The following ZEB1 variants were observed in gnomAD, a reference collection of about 807,000 sequenced individuals.
ZEB1 encodes zinc finger E-box binding homeobox 1.
A neutral mutation model predicts 84.9 loss-of-function variants in ZEB1; 21 were observed. The ratio of observed to expected loss-of-function variants is 0.25; its 90% CI spans 0.18 to 0.36. The LOEUF (loss-of-function observed/expected upper bound fraction) is 0.36. Among genes scored for constraint, ZEB1 ranks in the 10% least tolerant of loss-of-function variants. ZEB1 has a pLI of 1.00. For synonymous variants in ZEB1, 420 were observed against 471.1 expected (o/e 0.89, Z 1.41); for missense variants, 1,104 against 1,330.2 (o/e 0.83, Z 2.65).
At chr10:31,368,793 G>T (rs948312698) in intron 1 of ZEB1, among the ~76,000 whole-genome samples, 6 of 152,208 alleles carry the variant, frequency 3.9e-5, no homozygotes, top group Non-Finnish European at 7.3e-5. Flanking sequence ...GTGGAGTAGG[G>T]AGTGAAAGTG....
Position 31,520,689 on chromosome 10 carries a change from G to C in ZEB1, c.1357G>C (p.Gly453Arg). The C allele has an allele frequency of 6.2e-7, 1 of 1,614,016 alleles. No homozygotes were observed. Among genetic ancestry groups the C allele is most frequent in the Non-Finnish European group, 8.5e-7 (1 of 1,179,998 alleles). ...AATCAATGCTTCACCCATACAACAA[G>C]GTGGCCATTCTGTTATTTCAGCCAT... is the stretch of plus-strand genomic sequence containing the variant. ...ETINASPIQQGGHSVISAISL... is the reference protein window; with the variant it reads ...ETINASPIQQRGHSVISAISL... The change falls in exon 7 of 9, where the codon GGT (glycine) becomes CGT (arginine). Residue 453 changes from glycine (G) to arginine (R), a missense_variant. This residue lies in a region of ZEB1 where 531 missense variants were observed against 575.2 expected (regional missense o/e 0.92). Coordinates refer to ENST00000424869, the MANE Select transcript of ZEB1 (RefSeq NM_001174096.2). The surrounding 1 kb of genome is among the most constrained non-coding windows in gnomAD (Gnocchi z 5.1).
chr10:31,381,371 G>T (rs1173315059), intron 1 of ZEB1, among the ~76,000 whole-genome samples: 1 of 152,052 alleles, frequency 6.6e-6, no homozygotes, highest in Non-Finnish European at 1.5e-5. Context: ...TGCAACAAAC[G>T]ATGTAATATC....
Position 31,529,524 on chromosome 10 carries a change from A to C in ZEB1, c.*2260A>C. On this transcript the variant is annotated 3_prime_UTR_variant, in exon 9 of 9. Transcript: ENST00000424869. ...GCACTTCTGTCATCATACCTCTGAT[A>C]CTATTATTTATATTCCTTCCCCACT... 6.6e-6 allele frequency: 1 copy of C among 152,330 alleles called. No individual in the cohort carries two copies. The allele number at this position is 152,330 out of a possible 1,614,324, so 9.4% of individuals were successfully genotyped here.
chr10:31,479,523 G>C (rs953145416), intron 2 of ZEB1, among the ~76,000 whole-genome samples: 2 of 151,838 alleles, frequency 1.3e-5, no homozygotes, highest in African/African-American at 2.4e-5. Context: ...ATTGAATTCA[G>C]TAGGAAATTT....
chr10:31,390,915 T>G (rs1364952885), intron 1 of ZEB1, among the ~76,000 whole-genome samples: 3 of 152,124 alleles, frequency 2.0e-5, no homozygotes, highest in Non-Finnish European at 4.4e-5. Context: ...AAGCATACAG[T>G]CACCTCCTTA....
intron 1 of ZEB1, among the ~76,000 whole-genome samples, chr10:31,350,780 T>G (rs911384286): frequency 6.6e-5 from 10 of 152,180 alleles, no homozygotes; most frequent in Non-Finnish European, 1.0e-4. Flanking sequence ...ATTATAAAAT[T>G]TATAAATTGG....
intron 1 of ZEB1, among the ~76,000 whole-genome samples, chr10:31,385,737 A>C (rs2048522371): frequency 6.6e-6 from 1 of 152,040 alleles, no homozygotes. Flanking sequence ...CATGTTGGCC[A>C]AGCTGGTCTC....
At chr10:31,341,236 TAAG>T (rs1049336150) in intron 1 of ZEB1, among the ~76,000 whole-genome samples, 1 of 152,092 alleles carries the variant, frequency 6.6e-6, no homozygotes, top group Non-Finnish European at 1.5e-5. Context: ...GTTAGCTTGA[TAAG>T]AGGTGACGAG....
In ZEB1 at chr10:31,521,427, T is replaced by C. The variant is rs2072343029; in HGVS notation, c.2095T>C (p.Ser699Pro). The C allele has an allele frequency of 6.2e-7, 1 of 1,613,964 alleles. No homozygotes were observed. Among genetic ancestry groups the C allele is most frequent in the Non-Finnish European group, 8.5e-7 (1 of 1,180,012 alleles). Residue 699 changes from serine (S) to proline (P), a missense_variant, in exon 7 of 9, where the codon TCC becomes CCC. This residue lies in a region of ZEB1 where 531 missense variants were observed against 575.2 expected (regional missense o/e 0.92). Coordinates refer to ENST00000424869, the MANE Select transcript of ZEB1 (RefSeq NM_001174096.2). ...VLPVGSTTNG[S>P]RSSTPSPSPL... Reference sequence around the variant, plus strand: ...ACCAGTGGGATCAACCACCAATGGTTCCAGAAGTAGTACACCATCCCCATC... The same window carrying C: ...ACCAGTGGGATCAACCACCAATGGTCCCAGAAGTAGTACACCATCCCCATC...
intron 1 of ZEB1, among the ~76,000 whole-genome samples, chr10:31,347,802 A>G (rs756544619): frequency 1.3e-5 from 2 of 152,172 alleles, no homozygotes; most frequent in African/African-American, 4.8e-5. Context: ...TTATGATAGG[A>G]TAGAATCCCA....
chr10:31,525,924 T>A (rs1005224644), intron 8 of ZEB1, among the ~76,000 whole-genome samples: 2 of 152,234 alleles, frequency 1.3e-5, no homozygotes, highest in African/African-American at 2.4e-5. Context: ...AAAACTACAC[T>A]ATTTCTAAAA....
intron 1 of ZEB1, among the ~76,000 whole-genome samples, chr10:31,422,219 A>G (rs1439851156): frequency 1.3e-5 from 2 of 152,214 alleles, no homozygotes; most frequent in African/African-American, 4.8e-5. Flanking sequence ...TGGGAAAAGC[A>G]AAGTGCTTGG....
At chr10:31,525,028 ATGG>A (rs1314747741) in intron 8 of ZEB1, among the ~76,000 whole-genome samples, 1 of 152,222 alleles carries the variant, frequency 6.6e-6, no homozygotes, top group African/African-American at 2.4e-5. Context: ...TGAGGTAAGA[ATGG>A]TAGTTTTTGA....
Position 31,425,598 on chromosome 10 carries a change from A to T in ZEB1, c.59-35439A>T, listed in dbSNP as rs372803333. 6.9e-4 allele frequency among the ~76,000 whole-genome samples: 105 copies of T among 152,192 alleles called. 2 individuals carry two copies. Among genetic ancestry groups the T allele is most frequent in the African/African-American group, 2.5e-3 (102 of 41,556 alleles). ...TTAACCACATTTCTCAACATGAAAAACTTCCTAGACTAATTCATCACTGGA... is the reference window on the plus strand; with the variant it reads ...TTAACCACATTTCTCAACATGAAAATCTTCCTAGACTAATTCATCACTGGA... On this transcript the variant is annotated intron_variant, in intron 1 of 8. Transcript: ENST00000424869.
chr10:31,343,133 C>G (rs1216852526), intron 1 of ZEB1, among the ~76,000 whole-genome samples: 1 of 152,112 alleles, frequency 6.6e-6, no homozygotes, highest in Non-Finnish European at 1.5e-5. Context: ...TCCCCTCCCC[C>G]ATTTTTCTTT....
chr10:31,370,208 G>T (rs959255366), intron 1 of ZEB1, among the ~76,000 whole-genome samples: 2 of 152,170 alleles, frequency 1.3e-5, no homozygotes, highest in African/African-American at 4.8e-5. Context: ...ATTGGGATGA[G>T]TTATGTCACC....
chr10:31,519,947 G>A (rs566782236), intron 6 of ZEB1, among the ~76,000 whole-genome samples, 179 bp from the exon 7 acceptor site: 19 of 152,162 alleles, frequency 1.2e-4, no homozygotes, highest in Non-Finnish European at 2.1e-4. Context: ...AGTTACTAGC[G>A]TTCATCACAT....
chr10:31,320,188 C>G (rs1224331027), intron 1 of ZEB1: 1 of 151,710 alleles, frequency 6.6e-6, no homozygotes, highest in African/African-American at 2.4e-5. Flanking sequence ...CGGGGCGGCG[C>G]GGGGAACAAG....
At chr10:31,452,277 G>T (rs2060648694) in intron 1 of ZEB1, among the ~76,000 whole-genome samples, 1 of 151,796 alleles carries the variant, frequency 6.6e-6, no homozygotes. Context: ...TATACACATT[G>T]TTCATTATTA....
Sources: gnomAD v4.1 joint callset for allele counts (sites outside exome capture counted in the v4.1 genomes callset) on GRCh38, gnomAD v4.1.1 for gene constraint, gnomAD v4.1.1 regional missense constraint, Gnocchi (gnomAD v3.1) non-coding constraint, MANE v1.5 for transcripts, NCBI Gene and HGNC (gene_info 2026-07-23, HGNC 2026-07-21) for gene names.